Variants in KLHL28 observed in about 807,000 individuals in gnomAD.
KLHL28 encodes the protein kelch like family member 28.
Under a neutral mutation model 48.3 loss-of-function variants are expected in KLHL28, and 22 were observed. That is an observed-to-expected ratio of 0.46 (90% confidence interval 0.33 to 0.65). The LOEUF is 0.65. KLHL28 is among the 30% of genes least tolerant of loss of function. The pLI, the probability that KLHL28 is intolerant of heterozygous loss-of-function variation, is 0.03. For synonymous variants in KLHL28, 243 were observed against 242.4 expected (o/e 1.00, Z -0.02); for missense variants, 527 against 704.3 (o/e 0.75, Z 2.85).
chr14:44,954,589 C>T (rs1884719672), intron 1 of KLHL28, among the ~76,000 whole-genome samples: 1 of 152,078 alleles, frequency 6.6e-6, no homozygotes, highest in Admixed American at 6.6e-5. Context: ...TTTAGTGTGT[C>T]ACCATTTATC....
chr14:44,954,909 T>G (rs1216684098), intron 1 of KLHL28, among the ~76,000 whole-genome samples: 1 of 152,164 alleles, frequency 6.6e-6, no homozygotes, highest in African/African-American at 2.4e-5. Flanking sequence ...CCAAATAACT[T>G]TAAAACAGTA....
chr14:44,942,948 T>A (rs926469089), intron 2 of KLHL28, among the ~76,000 whole-genome samples: 6 of 152,250 alleles, frequency 3.9e-5, no homozygotes, highest in African/African-American at 1.4e-4. Context: ...AGGTGTTTAA[T>A]ATCTTTTGTA....
chr14:44,955,613 A>G (rs1169063690), intron 1 of KLHL28, among the ~76,000 whole-genome samples: 2 of 152,124 alleles, frequency 1.3e-5, no homozygotes, highest in South Asian at 4.1e-4. Flanking sequence ...CCGTCTCTAC[A>G]AAGAAAAAAA....
At chr14:44,950,571 T>C (rs1884537380) in intron 1 of KLHL28, among the ~76,000 whole-genome samples, 2 of 152,132 alleles carry the variant, frequency 1.3e-5, no homozygotes, top group Non-Finnish European at 2.9e-5. Context: ...TATACACACA[T>C]GCATATATTT....
intron 1 of KLHL28, among the ~76,000 whole-genome samples, chr14:44,952,734 A>G (rs537230822): frequency 9.2e-5 from 14 of 152,272 alleles, no homozygotes; most frequent in African/African-American, 3.4e-4. Context: ...ATACATGGCA[A>G]CTGTGACTAT....
At chr14:44,943,414 T>G (rs1431061838) in intron 2 of KLHL28, among the ~76,000 whole-genome samples, 1 of 152,164 alleles carries the variant, frequency 6.6e-6, no homozygotes, top group Non-Finnish European at 1.5e-5. Flanking sequence ...TCCCAGCACT[T>G]TGGGAGGCCA....
At chr14:44,942,873 CAT>C (rs1185902186) in intron 2 of KLHL28, among the ~76,000 whole-genome samples, 2 of 152,246 alleles carry the variant, frequency 1.3e-5, no homozygotes, top group African/African-American at 4.8e-5. Flanking sequence ...TTATTTTCTA[CAT>C]GTCTCCTTTA....
intron 2 of KLHL28, among the ~76,000 whole-genome samples, chr14:44,935,908 A>ATATATATATATATATATATATATATATAT (rs1555337914): frequency 7.5e-6 from 1 of 132,668 alleles, no homozygotes; most frequent in African/African-American, 2.7e-5. Context: ...ATATATCTTT[A>ATATATATATATATATATATATATATATAT]CCCTCCCCCC....
chr14:44,951,696 T>C (rs566973690), intron 1 of KLHL28, among the ~76,000 whole-genome samples: 7 of 152,344 alleles, frequency 4.6e-5, no homozygotes, highest in Admixed American at 3.9e-4. Flanking sequence ...CTTTCATTCC[T>C]TGTAAGAACT....
chr14:44,932,853 T>A (rs567140035), intron 3 of KLHL28, among the ~76,000 whole-genome samples: 15 of 152,254 alleles, frequency 9.9e-5, no homozygotes, highest in African/African-American at 3.6e-4. Context: ...AAAATATAAA[T>A]AAATAAAAGG....
intron 2 of KLHL28, among the ~76,000 whole-genome samples, chr14:44,935,906 T>TATATATATATATATATATATA (rs1429152138): frequency 3.5e-3 from 49 of 13,854 alleles, no homozygotes; most frequent in Non-Finnish European, 8.7e-3. Flanking sequence ...ATATATATCT[T>TATATATATATATATATATATA]TACCCTCCCC....
At chr14:44,931,275 G>T (rs2138581987) in intron 4 of KLHL28, 58 bp downstream of exon 4, 1 of 1,058,100 alleles carries the variant, frequency 9.5e-7, no homozygotes, top group Non-Finnish European at 1.4e-6. Flanking sequence ...ATTATTGCAA[G>T]CACATCATTA....
intron 4 of KLHL28, among the ~76,000 whole-genome samples, chr14:44,930,273 TC>T (rs1422606847): frequency 6.6e-6 from 1 of 152,112 alleles, no homozygotes; most frequent in African/African-American, 2.4e-5. Flanking sequence ...AAATATGAAA[TC>T]CAAAGTGCTC....
intron 1 of KLHL28, among the ~76,000 whole-genome samples, chr14:44,952,202 C>CA (rs1319795061): frequency 6.6e-6 from 1 of 152,074 alleles, no homozygotes; most frequent in Non-Finnish European, 1.5e-5. Flanking sequence ...TTTCCTCTCT[C>CA]AAAAAATATG....
chr14:44,944,941 TC>T (rs1226455159), intron 2 of KLHL28, 88 bp downstream of exon 2: 1 of 989,322 alleles, frequency 1.0e-6, no homozygotes, highest in East Asian at 2.6e-5. Context: ...AAAAGGAAAA[TC>T]AAACTATTTT....
Position 44,945,443 on chromosome 14 carries a change from C to A in KLHL28, c.486G>T (p.Gln162His). ...CAGTCTGGCAAACAGCTTCAAAATT[C>A]TGGCATATGTATTTAGTGGCTGCCA... ...LYLAATKYIC[Q>H]NFEAVCQTEE... Residue 162 changes from glutamine (Q) to histidine (H), a missense_variant, in exon 2 of 5, where the codon CAG becomes CAT. By Grantham distance (24) the Gln-to-His change is conservative. Coordinates refer to ENST00000396128, the MANE Select transcript of KLHL28 (RefSeq NM_017658.5). 1 of 1,614,176 alleles carries A rather than the reference C, an allele frequency of 6.2e-7. No individual in the cohort carries two copies. The highest frequency in any genetic ancestry group is 1.1e-5 in the South Asian group (1 of 91,076).
intron 2 of KLHL28, among the ~76,000 whole-genome samples, chr14:44,939,048 T>C (rs1883962726): frequency 6.6e-6 from 1 of 152,194 alleles, no homozygotes; most frequent in African/African-American, 2.4e-5. Context: ...TCTTGTAGTC[T>C]GCAAGCCTGT....
At position 44,931,433 on chromosome 14, in the gene KLHL28, C is replaced by T. The variant is rs756440627; in HGVS notation, c.1452G>A (p.Val484=). Residue 484 remains valine, a synonymous_variant, in exon 4 of 5, where the codon GTG becomes GTA. Coordinates refer to ENST00000396128, the MANE Select transcript of KLHL28 (RefSeq NM_017658.5). The part of the protein sequence containing the change: ...VGVMLGFIFV[V]GGHNGVSHLS... ...AATGTGAGACTCCATTATGTCCACC[C>T]ACCACAAAAATAAAGCCTAGCATGA... is the stretch of plus-strand genomic sequence containing the variant. 10 of 1,613,792 alleles carry T rather than the reference C, an allele frequency of 6.2e-6. No individual in the cohort carries two copies. The highest frequency in any genetic ancestry group is 1.1e-5 in the South Asian group (1 of 91,084).
At chr14:44,951,226 C>T (rs1253873360) in intron 1 of KLHL28, among the ~76,000 whole-genome samples, 2 of 152,174 alleles carry the variant, frequency 1.3e-5, no homozygotes, top group African/African-American at 4.8e-5. Context: ...TGTCTCATGA[C>T]ACACTTGTAG....
Sources: allele counts gnomAD v4.1 joint callset (sites outside exome capture counted in the v4.1 genomes callset), GRCh38; gene constraint gnomAD v4.1.1; transcripts MANE v1.5; gene names NCBI Gene and HGNC (gene_info 2026-07-23, HGNC 2026-07-21).